The following CEP112 variants were observed in gnomAD, a reference collection of about 807,000 sequenced individuals.
CEP112 encodes the protein centrosomal protein of 112 kDa.
In CEP112, 127 loss-of-function variants were observed where a neutral mutation model predicts 153.0. That is an observed-to-expected ratio of 0.83 (90% CI 0.72 to 0.96). The LOEUF (loss-of-function observed/expected upper bound fraction) is 0.96. Ranked by LOEUF, CEP112 falls within the 40% of genes least tolerant of loss-of-function variation. The pLI is 0.00. For synonymous variants in CEP112, 358 were observed against 374.4 expected (o/e 0.96, Z 0.51); for missense variants, 1,089 against 1,101.2 (o/e 0.99, Z 0.16).
chr17:65,969,274 G>T (rs2062539846), intron 17 of CEP112, among the ~76,000 whole-genome samples: 1 of 151,924 alleles, frequency 6.6e-6, no homozygotes, highest in Admixed American at 6.6e-5. Context: ...TAGTAAACAT[G>T]GGGTTTTGCC....
At chr17:65,744,169 C>A (rs1162566213) in intron 22 of CEP112, among the ~76,000 whole-genome samples, 4 of 152,196 alleles carry the variant, frequency 2.6e-5, no homozygotes, top group Non-Finnish European at 5.9e-5. Context: ...TTGAACCATG[C>A]AGTCAGACCA....
At chr17:66,182,951 G>A (rs2072777396) in intron 2 of CEP112, among the ~76,000 whole-genome samples, 3 of 152,142 alleles carry the variant, frequency 2.0e-5, no homozygotes, top group Admixed American at 2.0e-4. Flanking sequence ...AGATCCATGT[G>A]CTATAAGTTC....
At chr17:65,969,413 A>G (rs768282161) in intron 17 of CEP112, among the ~76,000 whole-genome samples, 16 of 152,196 alleles carry the variant, frequency 1.1e-4, no homozygotes, top group Non-Finnish European at 2.1e-4. Flanking sequence ...CATATCACAT[A>G]CAAGCATATT....
rs933744538 is a variant in CEP112 at position 66,175,181 on chromosome 17, T to G, written c.333A>C (p.Ala111=). ...GTAATCCCTCTGGGCTTGAACCTTT[T>G]GCTCGTGCTGGATTTGGTTCATCAA... ...IYFDEPNPAR[A]KGSSPEGLPA... is the part of the protein sequence containing the mutation. The change falls in exon 4 of 27, where the codon GCA becomes GCC. Residue 111 remains alanine, a synonymous_variant. Transcript: ENST00000535342. 2.5e-6 allele frequency: 4 copies of G among 1,603,568 alleles called. No individual in the cohort carries two copies. Among genetic ancestry groups the G allele is most frequent in the East Asian group, 2.2e-5 (1 of 44,572 alleles).
chr17:65,651,208 G>A (rs189084991), intron 24 of CEP112, among the ~76,000 whole-genome samples: 1 of 152,282 alleles, frequency 6.6e-6, no homozygotes, highest in Non-Finnish European at 1.5e-5. Flanking sequence ...CCATCCCTGA[G>A]TTACTTCACT....
intron 21 of CEP112, among the ~76,000 whole-genome samples, chr17:65,837,595 A>G (rs999384164): frequency 6.6e-6 from 1 of 152,224 alleles, no homozygotes; most frequent in Non-Finnish European, 1.5e-5. Context: ...GGTGTACCCA[A>G]CAGCTCATTG....
chr17:66,090,342 T>C (rs1414383223), intron 8 of CEP112, among the ~76,000 whole-genome samples: 1 of 152,050 alleles, frequency 6.6e-6, no homozygotes, highest in Non-Finnish European at 1.5e-5. Context: ...GAAGATATTA[T>C]ATTATTTAAA....
chr17:65,769,241 C>G (rs1034236360), intron 21 of CEP112, among the ~76,000 whole-genome samples: 3 of 151,798 alleles, frequency 2.0e-5, no homozygotes, highest in African/African-American at 7.3e-5. Flanking sequence ...ACACTGAAAA[C>G]TATAAAACAT....
intron 18 of CEP112, among the ~76,000 whole-genome samples, chr17:65,928,792 AG>A (rs2144208999): frequency 1.3e-5 from 2 of 152,302 alleles, no homozygotes; most frequent in South Asian, 4.1e-4. Context: ...TAAGCCCCAG[AG>A]GTTGTAGCTG....
chr17:65,784,349 T>A (rs907338278), intron 21 of CEP112, among the ~76,000 whole-genome samples: 1 of 152,172 alleles, frequency 6.6e-6, no homozygotes, highest in Non-Finnish European at 1.5e-5. Flanking sequence ...CAAAACAGTC[T>A]TTTACAGTAG....
At chr17:65,639,702 A>T (rs1598158308) in intron 25 of CEP112, among the ~76,000 whole-genome samples, 1 of 146,232 alleles carries the variant, frequency 6.8e-6, no homozygotes, top group East Asian at 2.0e-4. Context: ...AAAAAAAAAA[A>T]TCAAAGTGTA....
intron 6 of CEP112, among the ~76,000 whole-genome samples, chr17:66,118,097 T>A (rs1226667137): frequency 6.6e-6 from 1 of 152,192 alleles, no homozygotes; most frequent in Non-Finnish European, 1.5e-5. Context: ...TGGAGAACAG[T>A]ATGGTGGTTT....
intron 4 of CEP112, among the ~76,000 whole-genome samples, chr17:66,164,803 C>G (rs996021716): frequency 4.8e-5 from 7 of 146,224 alleles, no homozygotes; most frequent in Non-Finnish European, 4.5e-5. Context: ...TGTGGTGAGC[C>G]GAGATCGTGC....
chr17:66,129,688 C>T lies in CEP112; in HGVS notation c.642+58G>A, dbSNP rs141085401. 1.5e-3 allele frequency: 1,760 copies of T among 1,155,890 alleles called. 18 individuals are homozygous for T. In the African/African-American group the frequency reaches 0.024, roughly 16 times the overall value. The allele number at this position is 1,155,890 out of a possible 1,614,324, so 71.6% of individuals were successfully genotyped here. A position where few individuals can be genotyped will look rare whatever the true frequency, so the allele number is the denominator to read the frequency against. On this transcript the variant is annotated intron_variant, in intron 6 of 26. Transcript: ENST00000535342. The stretch of plus-strand genomic sequence containing the variant: ...AAATCAAATTAGTTCAGATATTATA[C>T]ACATACAATATGATTTTGACACATC...
At chr17:65,776,864 T>C (rs1412630252) in intron 21 of CEP112, among the ~76,000 whole-genome samples, 2 of 152,220 alleles carry the variant, frequency 1.3e-5, no homozygotes, top group South Asian at 2.1e-4. Context: ...CATTCTGCTA[T>C]ATGTTTGTAA....
At chr17:66,086,326 C>A (rs1217779176) in intron 8 of CEP112, among the ~76,000 whole-genome samples, 1 of 144,124 alleles carries the variant, frequency 6.9e-6, no homozygotes, top group Non-Finnish European at 1.5e-5. Context: ...CTCATGCCAA[C>A]AATTAAATGT....
intron 20 of CEP112, among the ~76,000 whole-genome samples, chr17:65,864,137 C>CAAAAAAAAA (rs71160507): frequency 7.3e-6 from 1 of 137,168 alleles, no homozygotes. Flanking sequence ...TGAGACTCCT[C>CAAAAAAAAA]AAAAAAAAAA....
chr17:66,031,492 T>G (rs201081233), intron 12 of CEP112, among the ~76,000 whole-genome samples: 46 of 60,434 alleles, frequency 7.6e-4, no homozygotes, highest in Admixed American at 7.3e-3. Flanking sequence ...TTTTGTTTTT[T>G]TTTTTTTTTG....
At chr17:65,850,382 G>A (rs1171582832) in intron 21 of CEP112, among the ~76,000 whole-genome samples, 2 of 151,896 alleles carry the variant, frequency 1.3e-5, no homozygotes, top group Non-Finnish European at 2.9e-5. Context: ...GGTGCTGCCC[G>A]TGACTGTTCC....
Sources: gnomAD v4.1 joint callset for allele counts (sites outside exome capture counted in the v4.1 genomes callset) on GRCh38, gnomAD v4.1.1 for gene constraint, MANE v1.5 for transcripts, NCBI Gene and HGNC (gene_info 2026-07-23, HGNC 2026-07-21) for gene names.